Variants in CHODL observed in about 807,000 individuals in gnomAD.
CHODL encodes the protein transmembrane protein MT75.
Under a neutral mutation model 34.5 loss-of-function variants are expected in CHODL, and 29 were observed. The observed-to-expected ratio is 0.84, with a 90% CI of 0.63 to 1.15. The LOEUF is 1.15. Among genes scored for constraint, CHODL ranks in the 50% most tolerant of loss-of-function variants. The pLI is 0.00. For synonymous variants in CHODL, 125 were observed against 116.1 expected (o/e 1.08, Z -0.49); for missense variants, 332 against 332.5 (o/e 1.00, Z 0.01).
intron 1 of CHODL, among the ~76,000 whole-genome samples, chr21:18,014,863 T>G (rs900316997): frequency 2.0e-5 from 3 of 152,342 alleles, no homozygotes; most frequent in African/African-American, 7.2e-5. Context: ...GGCTGAGGTA[T>G]TTCTTTATAA....
intron 1 of CHODL, chr21:18,245,741 ACTCGGATG>A (rs2074132889): frequency 1.6e-6 from 1 of 610,686 alleles, no homozygotes; most frequent in African/African-American, 1.9e-5. Flanking sequence ...CACCGTGTTC[ACTCGGATG>A]CTTTCTGTGA....
chr21:17,951,895 A>G (rs2063460215), intron 1 of CHODL, among the ~76,000 whole-genome samples: 2 of 152,194 alleles, frequency 1.3e-5, no homozygotes, highest in South Asian at 2.1e-4. Flanking sequence ...AAAAGAGAAA[A>G]TGAGAGAATA....
chr21:18,091,963 T>C (rs1293401301), intron 2 of CHODL, among the ~76,000 whole-genome samples: 1 of 152,056 alleles, frequency 6.6e-6, no homozygotes, highest in Non-Finnish European at 1.5e-5. Flanking sequence ...ATTGCGGATA[T>C]TTTTGACTTC....
At chr21:18,092,116 G>T (rs565121477) in intron 2 of CHODL, among the ~76,000 whole-genome samples, 1 of 152,108 alleles carries the variant, frequency 6.6e-6, no homozygotes, top group African/African-American at 2.4e-5. Context: ...TGGTGGCCAC[G>T]GAAATGCTTA....
chr21:18,207,076 G>A (rs1008109446), intron 2 of CHODL, among the ~76,000 whole-genome samples: 4 of 151,752 alleles, frequency 2.6e-5, no homozygotes, highest in African/African-American at 7.3e-5. Flanking sequence ...GATGTTCCCC[G>A]CCCTGTGTCC....
At chr21:18,150,239 T>G (rs1416016299) in intron 2 of CHODL, among the ~76,000 whole-genome samples, 1 of 152,168 alleles carries the variant, frequency 6.6e-6, no homozygotes, top group East Asian at 1.9e-4. Flanking sequence ...TAGGAAGCCT[T>G]CAGGTAGCAG....
chr21:17,942,186 G>A (rs2063370073), intron 1 of CHODL, among the ~76,000 whole-genome samples: 1 of 152,126 alleles, frequency 6.6e-6, no homozygotes, highest in Non-Finnish European at 1.5e-5. Context: ...AATTTGTTTG[G>A]AAACATGGGC....
chr21:18,054,563 C>T (rs1343783687), intron 2 of CHODL, among the ~76,000 whole-genome samples: 1 of 151,822 alleles, frequency 6.6e-6, no homozygotes, highest in African/African-American at 2.4e-5. Flanking sequence ...ATGTTAAATT[C>T]ATAGAAGTAG....
intron 2 of CHODL, among the ~76,000 whole-genome samples, chr21:18,103,803 C>T (rs1349377639): frequency 6.6e-6 from 1 of 152,030 alleles, no homozygotes; most frequent in East Asian, 1.9e-4. Context: ...AGTAGCAATG[C>T]TTTGTGTGAC....
At chr21:18,057,294 C>A (rs1478968215) in intron 2 of CHODL, among the ~76,000 whole-genome samples, 1 of 152,068 alleles carries the variant, frequency 6.6e-6, no homozygotes, top group Non-Finnish European at 1.5e-5. Flanking sequence ...TCTCTCCCTC[C>A]TCTCTGTCTC....
Position 18,256,726 on chromosome 21 carries a change from C to T in CHODL, c.297C>T (p.Phe99=), listed in dbSNP as rs753371867. 10 of 1,614,030 alleles carry T rather than the reference C, an allele frequency of 6.2e-6. No individual in the cohort carries two copies. The East Asian group carries it at 2.0e-4, about 32-fold the overall frequency. ...GGACAGGGATTTCTGATGGTGATTTCTGGATAGGGCTTTGGAGGAATGGAG... is the reference window on the plus strand; with the variant it reads ...GGACAGGGATTTCTGATGGTGATTTTTGGATAGGGCTTTGGAGGAATGGAG... ...KPGTGISDGD[F]WIGLWRNGDG... is the part of the protein sequence containing the mutation. The change falls in exon 2 of 6, where the codon TTC becomes TTT. Residue 99 remains phenylalanine, a synonymous_variant. Transcript: ENST00000299295.
At chr21:18,260,838 CAACAACAACAAA>C (rs1032415939) in intron 4 of CHODL, among the ~76,000 whole-genome samples, 1 of 144,750 alleles carries the variant, frequency 6.9e-6, no homozygotes, top group African/African-American at 2.8e-5. Context: ...ACAACAACAA[CAACAACAACAAA>C]AAAACACCAC....
At chr21:18,111,279 G>A (rs972600189) in intron 2 of CHODL, among the ~76,000 whole-genome samples, 5 of 152,290 alleles carry the variant, frequency 3.3e-5, no homozygotes, top group African/African-American at 1.2e-4. Flanking sequence ...GGAGGCAGGC[G>A]AACTGATACA....
intron 2 of CHODL, among the ~76,000 whole-genome samples, chr21:18,065,180 C>T (rs1481382179): frequency 6.6e-6 from 1 of 152,190 alleles, no homozygotes; most frequent in Non-Finnish European, 1.5e-5. Context: ...CTCACACACA[C>T]AGAGATTCTC....
chr21:18,244,921 G>C lies in CHODL; in HGVS notation c.-303G>C. The C allele has an allele frequency of 2.8e-6, 1 of 355,250 alleles. No individual in the cohort carries two copies. 22.0% of individuals were successfully genotyped at this position (355,250 alleles called of 1,614,324 possible). On this transcript the variant is annotated 5_prime_UTR_variant, in exon 1 of 6. Coordinates refer to ENST00000299295, the MANE Select transcript of CHODL (RefSeq NM_024944.3). The stretch of plus-strand genomic sequence containing the variant: ...AAGAGAAGCAAAGCGCAACGGTGTG[G>C]TCCAAGCCGGGGCTTCTGCTTCGCC...
intron 2 of CHODL, among the ~76,000 whole-genome samples, chr21:18,110,898 T>A (rs1437333364): frequency 6.6e-6 from 1 of 152,178 alleles, no homozygotes; most frequent in African/African-American, 2.4e-5. Context: ...TTTTTTTTCT[T>A]TGTTAGGGTT....
intron 1 of CHODL, among the ~76,000 whole-genome samples, chr21:17,980,800 A>G (rs1349164299): frequency 1.3e-5 from 2 of 152,142 alleles, no homozygotes; most frequent in African/African-American, 4.8e-5. Context: ...GCATGTGATC[A>G]TGTGTGCACA....
chr21:18,250,381 G>C lies in CHODL; in HGVS notation c.79+5079G>C, dbSNP rs528078542. 5.3e-5 allele frequency among the ~76,000 whole-genome samples: 8 copies of C among 152,060 alleles called. No individual in the cohort carries two copies. In the South Asian group the frequency reaches 1.7e-3, roughly 32 times the overall value. On this transcript the variant is annotated intron_variant, in intron 1 of 5. Transcript: ENST00000299295. ...TACGCATTTTCCAACTGGAAAAGTA[G>C]GGCTTGCTGCTGCTGCCACCATCCA...
intron 2 of CHODL, among the ~76,000 whole-genome samples, chr21:18,085,960 T>A (rs2065001215): frequency 6.6e-6 from 1 of 151,972 alleles, no homozygotes. Context: ...GAGCTTTTTA[T>A]TCTCTCTTTC....
Sources: gnomAD v4.1 joint callset for allele counts (sites outside exome capture counted in the v4.1 genomes callset) on GRCh38, gnomAD v4.1.1 for gene constraint, MANE v1.5 for transcripts, NCBI Gene and HGNC (gene_info 2026-07-23, HGNC 2026-07-21) for gene names.